The following PTPRG variants were observed in gnomAD, a reference collection of about 807,000 sequenced individuals.
PTPRG encodes the protein receptor-type tyrosine-protein phosphatase gamma.
PTPRG carries 102 observed loss-of-function variants against 165.3 expected under a neutral mutation model. That is an observed-to-expected ratio of 0.62 (90% CI 0.53 to 0.73). PTPRG has a LOEUF of 0.73. Ranked by LOEUF, PTPRG falls within the 30% of genes least tolerant of loss-of-function variation. The pLI is 0.00. For synonymous variants in PTPRG, 675 were observed against 669.5 expected, an observed-to-expected ratio of 1.01 and a Z score of -0.13; for missense variants, 1,866 against 1,861.4, an observed-to-expected ratio of 1.00 and a Z score of -0.05.
chr3:62,284,839 G>A (rs374962310), intron 28 of PTPRG, among the ~76,000 whole-genome samples: 2 of 152,042 alleles, frequency 1.3e-5, no homozygotes, highest in South Asian at 4.1e-4. Context: ...GTAGACTTTT[G>A]AAAATCTTTT....
chr3:62,133,078 C>A (rs904129931), intron 6 of PTPRG, among the ~76,000 whole-genome samples: 5 of 152,190 alleles, frequency 3.3e-5, no homozygotes, highest in Admixed American at 2.0e-4. Flanking sequence ...TTAAACTTTG[C>A]AGCATGTGAA....
intron 2 of PTPRG, among the ~76,000 whole-genome samples, chr3:61,947,242 A>G (rs1170468184): frequency 6.6e-6 from 1 of 152,208 alleles, no homozygotes; most frequent in Non-Finnish European, 1.5e-5. Context: ...TGGCCTGTGT[A>G]ATGAGCATCT....
At chr3:61,857,440 A>G (rs766146858) in intron 2 of PTPRG, among the ~76,000 whole-genome samples, 32 of 152,190 alleles carry the variant, frequency 2.1e-4, no homozygotes, top group Non-Finnish European at 4.3e-4. Context: ...GATGTCTGCC[A>G]TGAATGGGAT....
At chr3:61,879,103 T>A (rs2037818438) in intron 2 of PTPRG, among the ~76,000 whole-genome samples, 1 of 152,190 alleles carries the variant, frequency 6.6e-6, no homozygotes, top group South Asian at 2.1e-4. Context: ...ATTTCCTTTT[T>A]TGATAAGTAA....
In PTPRG at chr3:61,977,566, T is replaced by C. The variant is rs1223321076; in HGVS notation, c.191-12059T>C. Among the ~76,000 whole-genome samples, 3 of 149,014 alleles carry C rather than the reference T, an allele frequency of 2.0e-5. No homozygotes were observed. The East Asian group carries it at 5.9e-4, about 29-fold the overall frequency. Reference sequence around the variant, plus strand: ...TATTTTTTCTTTACATGATGTGATATATTTCTGTAATAATAGTTCTGCAAC... The same window carrying C: ...TATTTTTTCTTTACATGATGTGATACATTTCTGTAATAATAGTTCTGCAAC... On this transcript the variant is annotated intron_variant, in intron 2 of 29. Transcript: ENST00000474889.
At chr3:62,192,069 T>G (rs977218620) in intron 9 of PTPRG, among the ~76,000 whole-genome samples, 1 of 152,164 alleles carries the variant, frequency 6.6e-6, no homozygotes, top group Non-Finnish European at 1.5e-5. Context: ...ATCATTCTCC[T>G]CTTCCTCTTC....
chr3:61,973,526 ATTGTGT>A (rs2040431133), intron 2 of PTPRG, among the ~76,000 whole-genome samples: 1 of 152,070 alleles, frequency 6.6e-6, no homozygotes, highest in Non-Finnish European at 1.5e-5. Context: ...AGGACTCTTC[ATTGTGT>A]TTAAGAAAAT....
At chr3:61,954,079 A>G (rs1007334005) in intron 2 of PTPRG, among the ~76,000 whole-genome samples, 4 of 152,154 alleles carry the variant, frequency 2.6e-5, no homozygotes, top group African/African-American at 9.7e-5. Flanking sequence ...GTTTTCCTAG[A>G]GATTTCTTGA....
chr3:62,250,988 G>A (rs148247058), intron 15 of PTPRG, among the ~76,000 whole-genome samples: 6 of 152,280 alleles, frequency 3.9e-5, no homozygotes, highest in African/African-American at 1.4e-4. Context: ...CACCTCTTCA[G>A]GTACTGATTC....
intron 10 of PTPRG, among the ~76,000 whole-genome samples, chr3:62,198,870 G>T (rs2106827554): frequency 6.6e-6 from 1 of 152,238 alleles, no homozygotes; most frequent in South Asian, 2.1e-4. Flanking sequence ...ATGCATAGTG[G>T]AAAAAAGGGC....
chr3:61,577,665 C>T (rs1259335245), intron 1 of PTPRG, among the ~76,000 whole-genome samples: 2 of 152,042 alleles, frequency 1.3e-5, no homozygotes, highest in African/African-American at 4.8e-5. Flanking sequence ...ACATGTGGCT[C>T]GCATTTGTAG....
intron 2 of PTPRG, among the ~76,000 whole-genome samples, chr3:61,982,127 A>C (rs1248425091): frequency 6.6e-6 from 1 of 152,152 alleles, no homozygotes; most frequent in Non-Finnish European, 1.5e-5. Context: ...AGAACATATT[A>C]GTCAAAATGT....
At chr3:61,755,654 G>T (rs1353602458) in intron 2 of PTPRG, among the ~76,000 whole-genome samples, 1 of 152,182 alleles carries the variant, frequency 6.6e-6, no homozygotes, top group African/African-American at 2.4e-5. Context: ...AGACAGGCAG[G>T]TGTTTGCCAG....
At chr3:61,815,753 T>G (rs1045339040) in intron 2 of PTPRG, among the ~76,000 whole-genome samples, 2 of 152,214 alleles carry the variant, frequency 1.3e-5, no homozygotes, top group Non-Finnish European at 2.9e-5. Context: ...AGCCCACACA[T>G]CTATCCAATA....
At position 61,773,210 on chromosome 3, in the gene PTPRG, A is replaced by G. The variant is rs2034265239; in HGVS notation, c.190+24228A>G. 2.6e-5 allele frequency among the ~76,000 whole-genome samples: 4 copies of G among 152,192 alleles called. No individual in the cohort carries two copies. In the South Asian group the frequency reaches 8.3e-4, roughly 32 times the overall value. Reference sequence around the variant, plus strand: ...GGAAGAGTGTGTTATTGATGCAGTCAGGTGGAAATTGTTCAGAAAAAAAGT... The same window carrying G: ...GGAAGAGTGTGTTATTGATGCAGTCGGGTGGAAATTGTTCAGAAAAAAAGT... On this transcript the variant is annotated intron_variant, in intron 2 of 29. Transcript: ENST00000474889.
intron 5 of PTPRG, among the ~76,000 whole-genome samples, chr3:62,091,753 T>G (rs1279006515): frequency 6.6e-6 from 1 of 152,190 alleles, no homozygotes; most frequent in Non-Finnish European, 1.5e-5. Context: ...TTATTACCTG[T>G]TCTGGCAATT....
chr3:61,564,339 C>G (rs886903516), intron 1 of PTPRG, among the ~76,000 whole-genome samples: 1 of 152,104 alleles, frequency 6.6e-6, no homozygotes, highest in Non-Finnish European at 1.5e-5. Context: ...TCCAATTCCA[C>G]TTCTGTCCTT....
intron 2 of PTPRG, among the ~76,000 whole-genome samples, chr3:61,813,626 A>T (rs1237572669): frequency 6.7e-6 from 1 of 149,884 alleles, no homozygotes. Flanking sequence ...AGCCATGAAG[A>T]GTTCTAGATG....
intron 2 of PTPRG, among the ~76,000 whole-genome samples, chr3:61,780,009 C>T (rs1002599634): frequency 6.6e-6 from 1 of 152,194 alleles, no homozygotes; most frequent in African/African-American, 2.4e-5. Flanking sequence ...ATTGGTACCT[C>T]AATCTTTGTC....
Sources: allele counts gnomAD v4.1 joint callset (sites outside exome capture counted in the v4.1 genomes callset), GRCh38; gene constraint gnomAD v4.1.1; transcripts MANE v1.5; gene names NCBI Gene and HGNC (gene_info 2026-07-23, HGNC 2026-07-21).